Variants in CRYL1 observed in about 807,000 individuals in gnomAD.
CRYL1 encodes the protein crystallin lambda 1, also known as lambda-crystallin homolog.
CRYL1 carries 29 observed loss-of-function variants against 36.6 expected under a neutral mutation model. The observed-to-expected ratio is 0.79, with a 90% CI of 0.59 to 1.08. CRYL1 has a LOEUF of 1.08. Ranked by LOEUF, CRYL1 falls within the 50% of genes least tolerant of loss-of-function variation. The pLI is 0.00. For synonymous variants in CRYL1, 152 were observed against 151.5 expected (o/e 1.00, Z -0.02); for missense variants, 411 against 407.9 (o/e 1.01, Z -0.06).
At chr13:20,440,985 T>G (rs2032339167) in intron 3 of CRYL1, among the ~76,000 whole-genome samples, 1 of 152,138 alleles carries the variant, frequency 6.6e-6, no homozygotes, top group African/African-American at 2.4e-5. Context: ...CGCCCTGCTG[T>G]GTGGATGGAA....
At chr13:20,450,828 T>C (rs1261915616) in intron 3 of CRYL1, among the ~76,000 whole-genome samples, 3 of 152,134 alleles carry the variant, frequency 2.0e-5, no homozygotes, top group South Asian at 2.1e-4. Flanking sequence ...CCATCAAGGA[T>C]AGACTGGATT....
chr13:20,492,674 T>A (rs4363719), intron 2 of CRYL1, among the ~76,000 whole-genome samples: 1 of 152,076 alleles, frequency 6.6e-6, no homozygotes, highest in East Asian at 1.9e-4. Context: ...TCCAGGATAA[T>A]CTCCCCATCT....
chr13:20,441,074 A>T (rs183661787), intron 3 of CRYL1, among the ~76,000 whole-genome samples: 8 of 152,162 alleles, frequency 5.3e-5, no homozygotes, highest in African/African-American at 1.9e-4. Flanking sequence ...TGACATCTGC[A>T]CCTCTGGGAT....
At chr13:20,416,120 C>T (rs1477401391) in intron 5 of CRYL1, among the ~76,000 whole-genome samples, 1 of 151,970 alleles carries the variant, frequency 6.6e-6, no homozygotes, top group East Asian at 1.9e-4. Flanking sequence ...TCAGCCTCGC[C>T]ACGCTTGGTG....
chr13:20,429,068 A>G (rs1043075773), intron 5 of CRYL1, among the ~76,000 whole-genome samples: 2 of 152,180 alleles, frequency 1.3e-5, no homozygotes, highest in African/African-American at 4.8e-5. Context: ...CCCCCGACCA[A>G]TGCTCATTCC....
chr13:20,524,338 T>C (rs1275730836), intron 1 of CRYL1, among the ~76,000 whole-genome samples: 3 of 152,032 alleles, frequency 2.0e-5, no homozygotes, highest in East Asian at 3.9e-4. Context: ...TAACTATTAA[T>C]AAAATGCAAG....
intron 1 of CRYL1, among the ~76,000 whole-genome samples, chr13:20,514,402 G>A (rs998142665): frequency 1.3e-5 from 2 of 152,112 alleles, no homozygotes; most frequent in African/African-American, 2.4e-5. Context: ...GAAGAACATC[G>A]GACAAATCCT....
In CRYL1 at chr13:20,425,069, T is replaced by G. The variant is rs2031903031; in HGVS notation, c.633+7033A>C. On this transcript the variant is annotated intron_variant, in intron 5 of 7. Transcript: ENST00000298248. The surrounding 1 kb of genome is among the most constrained non-coding windows in gnomAD (Gnocchi z 4.4). ...GATGTTGCCAATGTCTGCGCTGTGC[T>G]ATTTTACTCAAGCCTCAACATTTTC... Among the ~76,000 whole-genome samples, 1 of 152,216 alleles carries G rather than the reference T, an allele frequency of 6.6e-6. No homozygotes were observed. Among genetic ancestry groups the G allele is most frequent in the Admixed American group, 6.5e-5 (1 of 15,288 alleles).
intron 2 of CRYL1, among the ~76,000 whole-genome samples, chr13:20,495,961 C>A (rs554283554): frequency 3.3e-5 from 5 of 152,198 alleles, no homozygotes; most frequent in Non-Finnish European, 1.5e-5. Flanking sequence ...CCACACCCAA[C>A]TGATTTTTGT....
chr13:20,423,905 G>C (rs999156546), intron 5 of CRYL1, among the ~76,000 whole-genome samples: 4 of 151,272 alleles, frequency 2.6e-5, no homozygotes, highest in Non-Finnish European at 5.9e-5. Context: ...CAAGTAGCTG[G>C]GACTACAGGT....
intron 3 of CRYL1, among the ~76,000 whole-genome samples, chr13:20,482,567 G>A (rs1172435040): frequency 6.6e-6 from 1 of 152,192 alleles, no homozygotes; most frequent in African/African-American, 2.4e-5. Context: ...GCGTGCTCCC[G>A]GATTTCAGCA....
chr13:20,441,466 G>C (rs181205437), intron 3 of CRYL1, among the ~76,000 whole-genome samples: 24 of 152,242 alleles, frequency 1.6e-4, no homozygotes, highest in Admixed American at 1.2e-3. Context: ...CTCCATCCCA[G>C]CTACTCAGGG....
intron 3 of CRYL1, among the ~76,000 whole-genome samples, chr13:20,470,910 C>CAAA (rs11353451): frequency 1.1e-3 from 44 of 40,810 alleles, no homozygotes; most frequent in Middle Eastern, 0.014. Context: ...AACTCCATCT[C>CAAA]AAAAAAAAAA....
At chr13:20,467,079 T>C (rs7328843) in intron 3 of CRYL1, among the ~76,000 whole-genome samples, 145,400 of 151,242 alleles carry the variant, frequency 0.96, 70,151 homozygotes, top group East Asian at 1. Flanking sequence ...TCCTGAGTAG[T>C]TGGGACTACA....
chr13:20,513,171 G>A (rs773396055), intron 1 of CRYL1, among the ~76,000 whole-genome samples: 2 of 152,094 alleles, frequency 1.3e-5, no homozygotes, highest in Non-Finnish European at 2.9e-5. Flanking sequence ...CTCCAGTGCT[G>A]GTATTCATAT....
At chr13:20,516,781 A>C (rs12867070) in intron 1 of CRYL1, among the ~76,000 whole-genome samples, 6,242 of 152,192 alleles carry the variant, frequency 0.041, 181 homozygotes, top group Non-Finnish European at 0.06. Context: ...CGCCCGGCCA[A>C]AAGATAATTT....
At chr13:20,495,879 C>A (rs2033597050) in intron 2 of CRYL1, among the ~76,000 whole-genome samples, 1 of 152,200 alleles carries the variant, frequency 6.6e-6, no homozygotes, top group African/African-American at 2.4e-5. Flanking sequence ...CTCACTACAA[C>A]CTCCCCCTCC....
chr13:20,407,308 G>A (rs1159648501), intron 6 of CRYL1, among the ~76,000 whole-genome samples: 1 of 151,776 alleles, frequency 6.6e-6, no homozygotes, highest in Non-Finnish European at 1.5e-5. Flanking sequence ...GCAGCCTCCG[G>A]GTGCTCCAAG....
intron 3 of CRYL1, among the ~76,000 whole-genome samples, chr13:20,466,628 G>A (rs2032938025): frequency 6.6e-6 from 1 of 151,672 alleles, no homozygotes; most frequent in Non-Finnish European, 1.5e-5. Flanking sequence ...AAACTTAACT[G>A]TCTCTCTTAT....
Sources: allele counts gnomAD v4.1 joint callset (sites outside exome capture counted in the v4.1 genomes callset), GRCh38; gene constraint gnomAD v4.1.1; non-coding constraint Gnocchi (gnomAD v3.1); transcripts MANE v1.5; gene names NCBI Gene and HGNC (gene_info 2026-07-23, HGNC 2026-07-21).